The following GRIA2 variants were observed in gnomAD, a reference collection of about 807,000 sequenced individuals.
The protein encoded by GRIA2 is glutamate receptor 2.
Under a neutral mutation model 97.3 loss-of-function variants are expected in GRIA2, and 14 were observed. The observed-to-expected ratio is 0.14, with a 90% confidence interval of 0.10 to 0.23. GRIA2 has a LOEUF of 0.23. Ranked by LOEUF, GRIA2 falls within the 10% of genes least tolerant of loss-of-function variation. GRIA2 has a pLI of 1.00. For missense variants in GRIA2, 558 were observed against 1,069.8 expected (o/e 0.52, Z 6.67); for synonymous variants, 412 against 387.8 (o/e 1.06, Z -0.73).
upstream of GRIA2, chr4:157,220,428 G>A (rs1729430893): frequency 6.6e-6 from 1 of 152,080 alleles, no homozygotes; most frequent in African/African-American, 2.4e-5. Context: ...CGCGCGGTGG[G>A]CGCGACAGCC....
chr4:157,315,531 GTTTT>G (rs1560762110), intron 4 of GRIA2, among the ~76,000 whole-genome samples: 8 of 66,746 alleles, frequency 1.2e-4, no homozygotes, highest in Non-Finnish European at 2.5e-4. Flanking sequence ...TTGTTTGTTT[GTTTT>G]GTTTTGTTTT....
Position 157,321,532 on chromosome 4 carries a change from A to C in GRIA2, c.815A>C (p.Lys272Thr), listed in dbSNP as rs751991831. The part of the protein sequence containing the change: ...IVDYDDSLVS[K>T]FIERWSTLEE... ...GACTATGATGATTCGTTGGTATCTAAATTTATAGAAAGATGGTCAACACTG... is the reference window on the plus strand; with the variant it reads ...GACTATGATGATTCGTTGGTATCTACATTTATAGAAAGATGGTCAACACTG... The change falls in exon 6 of 16, where the codon AAA becomes ACA. Residue 272 changes from lysine (K) to threonine (T), a missense_variant. Around this residue, in one of 8 missense-constraint regions of GRIA2, gnomAD observed 173 missense variants for 209.1 expected, o/e 0.83. Transcript: ENST00000264426. 3.0e-5 allele frequency: 48 copies of C among 1,608,064 alleles called. No homozygotes were observed. Among genetic ancestry groups the C allele is most frequent in the Non-Finnish European group, 2.2e-5 (26 of 1,174,754 alleles).
chr4:157,286,657 T>C (rs1732859357), intron 2 of GRIA2, among the ~76,000 whole-genome samples: 1 of 150,268 alleles, frequency 6.7e-6, no homozygotes, highest in Non-Finnish European at 1.5e-5. Flanking sequence ...GTTAGATTTT[T>C]ATCCTTAGGT....
chr4:157,272,425 A>C (rs1303930856), intron 2 of GRIA2, among the ~76,000 whole-genome samples: 5 of 152,054 alleles, frequency 3.3e-5, no homozygotes, highest in African/African-American at 1.2e-4. Context: ...TGGAGCAGAA[A>C]CTCCTAAGGA....
At chr4:157,254,809 T>C (rs182412893) in intron 2 of GRIA2, among the ~76,000 whole-genome samples, 297 of 152,194 alleles carry the variant, frequency 2.0e-3, no homozygotes, top group East Asian at 0.011. Context: ...ATACTCACTG[T>C]TTTTCAGTGG....
intron 4 of GRIA2, 28 bp downstream of exon 4, chr4:157,312,903 G>T (rs1419865046): frequency 7.6e-7 from 1 of 1,323,594 alleles, no homozygotes; most frequent in Non-Finnish European, 1.1e-6. Flanking sequence ...TTCTAATGAT[G>T]CCAGATATAG....
intron 2 of GRIA2, among the ~76,000 whole-genome samples, chr4:157,239,414 T>C (rs1193061125): frequency 6.6e-6 from 1 of 152,088 alleles, no homozygotes; most frequent in Non-Finnish European, 1.5e-5. Context: ...TGCAAATGTT[T>C]AAAATTTCCA....
intron 9 of GRIA2, 175 bp from the exon 10 acceptor site, chr4:157,335,496 C>T: frequency 1.7e-6 from 1 of 592,204 alleles, no homozygotes; most frequent in South Asian, 2.0e-5. Flanking sequence ...CATTCCGAGG[C>T]TTTCTGGGGG....
At chr4:157,221,600 C>T (rs2126668980) in intron 1 of GRIA2, 67 bp from the exon 2 acceptor site, 2 of 1,528,748 alleles carry the variant, frequency 1.3e-6, no homozygotes, top group African/African-American at 1.4e-5. Context: ...TGGGCGCTAG[C>T]GCGCGCCCCT....
chr4:157,220,412 C>G (rs758775982), upstream of GRIA2: 5 of 152,180 alleles, frequency 3.3e-5, no homozygotes, highest in Non-Finnish European at 7.3e-5. Context: ...TGCTGAAAGG[C>G]CGAGGCGCGC....
At chr4:157,347,907 C>T (rs191657659) in intron 12 of GRIA2, among the ~76,000 whole-genome samples, 4 of 152,066 alleles carry the variant, frequency 2.6e-5, no homozygotes, top group Admixed American at 6.6e-5. Context: ...AGGCAGATCT[C>T]GAGGTCAAGA....
chr4:157,334,617 A>G (rs1275877501), intron 9 of GRIA2: 2 of 152,650 alleles, frequency 1.3e-5, no homozygotes, highest in African/African-American at 4.8e-5. Context: ...TGCATATTGA[A>G]TGAATAAGGA....
Position 157,321,451 on chromosome 4 carries a change from G to A in GRIA2, c.734G>A (p.Gly245Glu). ...TTCTATGTTTAGGGATTTACTGATGGAGACCTATTAAAAATCCAGTTTGGA... is the reference window on the plus strand; with the variant it reads ...TTCTATGTTTAGGGATTTACTGATGAAGACCTATTAAAAATCCAGTTTGGA... Reference protein sequence around the residue: ...YIIANLGFTDGDLLKIQFGGA... With the variant: ...YIIANLGFTDEDLLKIQFGGA... Residue 245 changes from glycine (G) to glutamate (E), a missense_variant, in exon 6 of 16, where the codon GGA (glycine) becomes GAA (glutamate). Gly to Glu is a moderately conservative substitution (Grantham distance 98). This residue lies in a region of GRIA2 where 173 missense variants were observed against 209.1 expected (regional missense o/e 0.83). Transcript: ENST00000264426. 1.2e-6 allele frequency: 2 copies of A among 1,610,150 alleles called. No homozygotes were observed. Among genetic ancestry groups the A allele is most frequent in the Non-Finnish European group, 1.7e-6 (2 of 1,177,276 alleles).
intron 12 of GRIA2, among the ~76,000 whole-genome samples, chr4:157,352,544 C>T (rs747482930): frequency 2.0e-5 from 3 of 151,536 alleles, no homozygotes; most frequent in Non-Finnish European, 2.9e-5. Flanking sequence ...GATGAAACCC[C>T]ATCTCTACTA....
At chr4:157,231,691 A>G (rs929531655) in intron 2 of GRIA2, among the ~76,000 whole-genome samples, 6 of 152,190 alleles carry the variant, frequency 3.9e-5, no homozygotes, top group African/African-American at 1.4e-4. Flanking sequence ...CTGTTGCTTG[A>G]GGTAACTGAA....
At chr4:157,258,305 C>T (rs1184964669) in intron 2 of GRIA2, among the ~76,000 whole-genome samples, 2 of 152,010 alleles carry the variant, frequency 1.3e-5, no homozygotes, top group African/African-American at 4.8e-5. Flanking sequence ...CAGCAAGAAA[C>T]ATCCCTGAGA....
intron 12 of GRIA2, among the ~76,000 whole-genome samples, chr4:157,355,039 C>A (rs2126981521): frequency 6.6e-6 from 1 of 152,196 alleles, no homozygotes; most frequent in South Asian, 2.1e-4. Context: ...CTTCTTGGGT[C>A]TTTTGTTACT....
In GRIA2 at chr4:157,353,308, C is replaced by T. The variant is rs572216082; in HGVS notation, c.2044-6588C>T. ...TGGAGGTTATGGTGAGCCAAGATGG[C>T]GCCATTGCACTCCAGTCTGGGCAAC... On this transcript the variant is annotated intron_variant, in intron 12 of 15. Coordinates refer to ENST00000264426, the MANE Select transcript of GRIA2 (RefSeq NM_001083619.3). Among the ~76,000 whole-genome samples the T allele has an allele frequency of 6.0e-5, 9 of 150,218 alleles. No individual in the cohort carries two copies. The South Asian group carries it at 1.7e-3, about 28-fold the overall frequency.
chr4:157,343,991 G>A (rs535059381), intron 12 of GRIA2, among the ~76,000 whole-genome samples: 1 of 151,880 alleles, frequency 6.6e-6, no homozygotes, highest in Non-Finnish European at 1.5e-5. Context: ...TGTTTTCTAG[G>A]ATACTATGGC....
Sources: gnomAD v4.1 joint callset for allele counts (sites outside exome capture counted in the v4.1 genomes callset) on GRCh38, gnomAD v4.1.1 for gene constraint, gnomAD v4.1.1 regional missense constraint, MANE v1.5 for transcripts, NCBI Gene and HGNC (gene_info 2026-07-23, HGNC 2026-07-21) for gene names.